Variants in FGF14 observed in about 807,000 individuals in gnomAD.
FGF14 encodes the protein fibroblast growth factor 14.
Under a neutral mutation model 25.5 loss-of-function variants are expected in FGF14, and 5 were observed. The observed-to-expected ratio is 0.20, with a 90% CI of 0.10 to 0.41. The LOEUF is 0.41. FGF14 is among the 10% of genes least tolerant of loss of function. FGF14 has a pLI of 1.00. For synonymous variants in FGF14, 138 were observed against 118.3 expected (o/e 1.17, Z -1.08); for missense variants, 222 against 320.1 (o/e 0.69, Z 2.34).
At chr13:102,041,264 T>C (rs1241956057) in intron 1 of FGF14, among the ~76,000 whole-genome samples, 1 of 152,102 alleles carries the variant, frequency 6.6e-6, no homozygotes, top group South Asian at 2.1e-4. Context: ...ATGATCAAGT[T>C]TGACTATCCT....
rs564322798 is a variant in FGF14 at position 102,306,119 on chromosome 13, G to C, written c.208+95352C>G. On this transcript the variant is annotated intron_variant, in intron 1 of 4. Coordinates refer to the FGF14 transcript ENST00000376131. ...TGTAAACCCCTAGGTTACCAGAACT[G>C]TGTCTATTTATGGCTCTGCCTCTGG... Among the ~76,000 whole-genome samples the C allele has an allele frequency of 5.9e-5, 9 of 152,272 alleles. No homozygotes were observed. In the East Asian group the frequency reaches 1.7e-3, roughly 29 times the overall value.
intron 1 of FGF14, among the ~76,000 whole-genome samples, chr13:102,283,928 A>C (rs1159172857): frequency 1.4e-4 from 21 of 152,242 alleles, no homozygotes; most frequent in Admixed American, 1.3e-3. Flanking sequence ...GTTTAAATGG[A>C]ATAATGCATA....
At chr13:102,253,435 T>A (rs1205843963) in intron 1 of FGF14, among the ~76,000 whole-genome samples, 1 of 152,250 alleles carries the variant, frequency 6.6e-6, no homozygotes, top group East Asian at 1.9e-4. Flanking sequence ...GATGAGCTTT[T>A]TTTCATATGT....
intron 1 of FGF14, among the ~76,000 whole-genome samples, chr13:102,324,197 G>A (rs951667468): frequency 1.1e-4 from 17 of 152,028 alleles, no homozygotes; most frequent in Middle Eastern, 3.2e-3. Flanking sequence ...GGAAAGAAGC[G>A]GCTGTGGGCT....
At chr13:102,290,109 G>T (rs540529473) in intron 1 of FGF14, among the ~76,000 whole-genome samples, 3 of 152,298 alleles carry the variant, frequency 2.0e-5, no homozygotes, top group East Asian at 1.9e-4. Context: ...TGAACTGAAT[G>T]ATTATGTCCC....
intron 3 of FGF14, among the ~76,000 whole-genome samples, chr13:101,731,517 G>GT (rs2035811962): frequency 6.6e-6 from 1 of 152,140 alleles, no homozygotes; most frequent in Admixed American, 6.5e-5. Flanking sequence ...TGTTGTGGTT[G>GT]TTTTTGAAAT....
chr13:101,812,643 ATATATATATATTTTTTTTTTTT>A (rs1472255324), intron 3 of FGF14, among the ~76,000 whole-genome samples: 28 of 10,080 alleles, frequency 2.8e-3, no homozygotes, highest in African/African-American at 8.4e-3. Flanking sequence ...ATATATATAT[ATATATATATATTTTTTTTTTTT>A]TTTTTTTTTT....
rs559822089 is a variant in FGF14 at position 101,831,584 on chromosome 13, A to G, written c.408+37141T>C. Among the ~76,000 whole-genome samples the G allele has an allele frequency of 4.6e-5, 7 of 152,172 alleles. No homozygotes were observed. In the East Asian group the frequency reaches 1.2e-3, roughly 25 times the overall value. On this transcript the variant is annotated intron_variant, in intron 3 of 4. Coordinates refer to ENST00000376143, the MANE Select transcript of FGF14 (RefSeq NM_004115.4). ...TGCAATCCTAGACCATTGGAAAGTG[A>G]ATTTCCCCAGGAGAGACAAAATGGC... is the stretch of plus-strand genomic sequence containing the variant.
intron 1 of FGF14, among the ~76,000 whole-genome samples, chr13:102,098,193 T>C (rs1454761354): frequency 1.3e-5 from 2 of 152,222 alleles, no homozygotes; most frequent in African/African-American, 4.8e-5. Context: ...AACAAGAGTT[T>C]CCTTTCTACC....
chr13:101,919,998 G>A (rs1435417495), upstream of FGF14, among the ~76,000 whole-genome samples: 2 of 152,144 alleles, frequency 1.3e-5, no homozygotes, highest in East Asian at 1.9e-4. Flanking sequence ...ATCTTGGAGA[G>A]GGGGGCAGCA....
At chr13:102,150,527 G>T (rs1054234266) in intron 1 of FGF14, among the ~76,000 whole-genome samples, 3 of 152,040 alleles carry the variant, frequency 2.0e-5, no homozygotes, top group African/African-American at 7.2e-5. Flanking sequence ...CTTTGTGGTC[G>T]TTATTTGTCC....
intron 1 of FGF14, among the ~76,000 whole-genome samples, chr13:101,971,522 C>G (rs1001175): frequency 0.31 from 47,095 of 151,964 alleles, 7,935 homozygotes; most frequent in East Asian, 0.71. Context: ...AGGCAAGCAC[C>G]ACCATGCCTG....
chr13:102,316,631 T>C (rs2056037193), intron 1 of FGF14, among the ~76,000 whole-genome samples: 1 of 152,178 alleles, frequency 6.6e-6, no homozygotes, highest in Non-Finnish European at 1.5e-5. Context: ...ACTATCTCTG[T>C]ATATGTGTGT....
rs1211573216 is a variant in FGF14 at position 102,400,081 on chromosome 13, T to G, written c.208+1390A>C. ...CACCCGCACCTCCTCCTCCTCTGCC[T>G]CGCGCTGCACCCGCAGGCGGCAGAC... On this transcript the variant is annotated intron_variant, in intron 1 of 4. Coordinates refer to the FGF14 transcript ENST00000376131. This position sits in a 1 kb window ranked among gnomAD's most constrained non-coding sequence, Gnocchi z 4.3. 7.1e-6 allele frequency among the ~76,000 whole-genome samples: 1 copy of G among 140,964 alleles called. No homozygotes were observed. The highest frequency in any genetic ancestry group is 1.6e-5 in the Non-Finnish European group (1 of 64,514). 92.5% of individuals were successfully genotyped at this position (140,964 alleles called of 152,430 possible). A position where few individuals can be genotyped will look rare whatever the true frequency, so the allele number is the denominator to read the frequency against.
intron 1 of FGF14, among the ~76,000 whole-genome samples, chr13:101,885,700 T>TG (rs1258366757): frequency 7.3e-6 from 1 of 136,204 alleles, no homozygotes; most frequent in Admixed American, 7.2e-5. Context: ...CACAGGCCTC[T>TG]GAAAAAAAAA....
At chr13:101,800,631 A>G (rs1342676798) in intron 3 of FGF14, among the ~76,000 whole-genome samples, 1 of 152,192 alleles carries the variant, frequency 6.6e-6, no homozygotes, top group Non-Finnish European at 1.5e-5. Context: ...TGTATCAACA[A>G]TTCCTATGTT....
intron 1 of FGF14, among the ~76,000 whole-genome samples, chr13:102,309,897 T>C (rs769324199): frequency 1.3e-5 from 2 of 152,186 alleles, no homozygotes; most frequent in Non-Finnish European, 2.9e-5. Context: ...ACAAGTTTCA[T>C]TTGAACCTAG....
rs145646739 is a variant in FGF14, at chr13:101,887,579, T to C, written c.194-12283A>G. On this transcript the variant is annotated intron_variant, in intron 1 of 4. Transcript: ENST00000376143. ...TAGCAGAATGGTGGTTTGCAGGGGC[T>C]GGGAAGGAGTAGGGGTAAATAATGA... Among the ~76,000 whole-genome samples, 818 of 152,042 alleles carry C rather than the reference T, an allele frequency of 5.4e-3. 9 individuals are homozygous for C. Among genetic ancestry groups the C allele is most frequent in the Non-Finnish European group, 7.5e-3 (513 of 67,966 alleles).
At chr13:102,037,661 A>C (rs1315374468) in intron 1 of FGF14, among the ~76,000 whole-genome samples, 1 of 152,206 alleles carries the variant, frequency 6.6e-6, no homozygotes, top group Admixed American at 6.5e-5. Flanking sequence ...TTCTCTGTTC[A>C]TCAAACGTCA....
Sources: allele counts gnomAD v4.1 joint callset (sites outside exome capture counted in the v4.1 genomes callset), GRCh38; gene constraint gnomAD v4.1.1; non-coding constraint Gnocchi (gnomAD v3.1); transcripts MANE v1.5; gene names NCBI Gene and HGNC (gene_info 2026-07-23, HGNC 2026-07-21).